Variants in SLC38A6 observed in about 807,000 individuals in gnomAD.
SLC38A6 encodes the protein N system amino acid transporter NAT-1.
Under a neutral mutation model 65.0 loss-of-function variants are expected in SLC38A6, and 73 were observed. The ratio of observed to expected loss-of-function variants is 1.12; its 90% CI spans 0.93 to 1.37. The LOEUF is 1.37. Among genes scored for constraint, SLC38A6 ranks in the 40% most tolerant of loss-of-function variants. SLC38A6 has a pLI of 0.00. For missense variants in SLC38A6, 561 were observed against 531.1 expected, an observed-to-expected ratio of 1.06 and a Z score of -0.55; for synonymous variants, 183 against 178.8, an observed-to-expected ratio of 1.02 and a Z score of -0.19.
chr14:61,062,385 GTTGT>G (rs1327352043), intron 15 of SLC38A6, among the ~76,000 whole-genome samples: 1 of 151,942 alleles, frequency 6.6e-6, no homozygotes, highest in Non-Finnish European at 1.5e-5. Flanking sequence ...GTGGTATCTC[GTTGT>G]TTTAGTTTGC....
chr14:61,082,545 G>A (rs1165475745), intron 16 of SLC38A6, among the ~76,000 whole-genome samples: 1 of 152,186 alleles, frequency 6.6e-6, no homozygotes, highest in Non-Finnish European at 1.5e-5. Context: ...CCCCTTCAGT[G>A]TGCTTCTGCA....
At chr14:61,028,236 A>C (rs2040720937) in intron 5 of SLC38A6, among the ~76,000 whole-genome samples, 1 of 152,160 alleles carries the variant, frequency 6.6e-6, no homozygotes, top group African/African-American at 2.4e-5. Context: ...ACTGAAAGAG[A>C]TGAATGTCTG....
intron 3 of SLC38A6, among the ~76,000 whole-genome samples, chr14:61,000,679 C>T (rs1391550324): frequency 6.6e-6 from 1 of 152,118 alleles, no homozygotes; most frequent in Non-Finnish European, 1.5e-5. Context: ...ATACAGTGTT[C>T]AATATCTACA....
intron 5 of SLC38A6, among the ~76,000 whole-genome samples, chr14:61,026,143 G>A (rs534265727): frequency 6.4e-4 from 98 of 152,114 alleles, no homozygotes; most frequent in African/African-American, 2.4e-3. Flanking sequence ...AATTAGGGTT[G>A]GTTTGTTTTT....
chr14:60,981,424 G>T, intron 1 of SLC38A6, 42 bp downstream of exon 1: 1 of 1,553,900 alleles, frequency 6.4e-7, no homozygotes. Flanking sequence ...ACGCCCTCCG[G>T]CTTCCCTCAA....
At chr14:61,067,356 A>T (rs1396157911) in intron 15 of SLC38A6, among the ~76,000 whole-genome samples, 1 of 152,110 alleles carries the variant, frequency 6.6e-6, no homozygotes, top group African/African-American at 2.4e-5. Context: ...CTGTCCCTCA[A>T]ATCACATAAC....
At position 60,993,847 on chromosome 14, in the gene SLC38A6, A is replaced by G. The variant is rs574810260; in HGVS notation, c.310+9044A>G. 1.1e-4 allele frequency among the ~76,000 whole-genome samples: 16 copies of G among 152,360 alleles called. No individual in the cohort carries two copies. The East Asian group carries it at 2.9e-3, about 28-fold the overall frequency. On this transcript the variant is annotated intron_variant, in intron 3 of 15. Transcript: ENST00000267488. ...ACCTTTAATGTGAAAGATATATACTAAAACAGCCACATACACACACACAAG... is the reference window on the plus strand; with the variant it reads ...ACCTTTAATGTGAAAGATATATACTGAAACAGCCACATACACACACACAAG...
intron 5 of SLC38A6, among the ~76,000 whole-genome samples, chr14:61,024,069 G>A (rs1266155577): frequency 6.6e-6 from 1 of 152,134 alleles, no homozygotes; most frequent in East Asian, 1.9e-4. Flanking sequence ...ATGTAAGTGA[G>A]CATATAGTTT....
At chr14:61,062,353 T>C (rs886265850) in intron 15 of SLC38A6, among the ~76,000 whole-genome samples, 1 of 152,228 alleles carries the variant, frequency 6.6e-6, no homozygotes, top group Non-Finnish European at 1.5e-5. Flanking sequence ...TTTTAGATTT[T>C]CACCATTCTA....
chr14:61,054,011 T>G (rs2042619427), downstream of SLC38A6, among the ~76,000 whole-genome samples: 1 of 152,146 alleles, frequency 6.6e-6, no homozygotes, highest in Non-Finnish European at 1.5e-5. Flanking sequence ...TTTTGGGTTT[T>G]ACATTTAAGT....
chr14:61,069,402 A>G (rs1163500978), intron 15 of SLC38A6, among the ~76,000 whole-genome samples: 1 of 152,008 alleles, frequency 6.6e-6, no homozygotes, highest in South Asian at 2.1e-4. Context: ...CATTAATCCC[A>G]GATTCCCTTG....
At chr14:60,998,570 G>A (rs1004124724) in intron 3 of SLC38A6, among the ~76,000 whole-genome samples, 6 of 152,096 alleles carry the variant, frequency 3.9e-5, no homozygotes, top group Admixed American at 1.3e-4. Flanking sequence ...CTTCAAATCC[G>A]TCTGTGACCT....
At chr14:61,061,180 C>T (rs2042827143) in intron 15 of SLC38A6, among the ~76,000 whole-genome samples, 1 of 152,238 alleles carries the variant, frequency 6.6e-6, no homozygotes, top group Non-Finnish European at 1.5e-5. Flanking sequence ...GCCTTTTCTG[C>T]ACCTATTGAG....
chr14:61,029,064 CTTTTGTAAG>C (rs2040779774), intron 5 of SLC38A6, among the ~76,000 whole-genome samples: 1 of 151,206 alleles, frequency 6.6e-6, no homozygotes, highest in Non-Finnish European at 1.5e-5. Context: ...TTGTTCTTAG[CTTTTGTAAG>C]TTTTGTAAGG....
intron 6 of SLC38A6, among the ~76,000 whole-genome samples, chr14:61,033,362 C>T (rs916948073): frequency 2.6e-5 from 4 of 151,992 alleles, no homozygotes; most frequent in Non-Finnish European, 5.9e-5. Context: ...ATACTTGGAA[C>T]ATTTTTATCA....
chr14:61,012,969 A>G (rs997896326), intron 3 of SLC38A6, among the ~76,000 whole-genome samples: 1 of 152,106 alleles, frequency 6.6e-6, no homozygotes, highest in Non-Finnish European at 1.5e-5. Context: ...GATCTGTCTA[A>G]TGTTAACAGT....
At chr14:61,036,084 A>G (rs1426503039) in intron 6 of SLC38A6, among the ~76,000 whole-genome samples, 4 of 152,136 alleles carry the variant, frequency 2.6e-5, no homozygotes, top group African/African-American at 4.8e-5. Context: ...ATAGAAAACT[A>G]TAAAGAAGAA....
intron 13 of SLC38A6, among the ~76,000 whole-genome samples, 184 bp downstream of exon 13, chr14:61,050,820 G>A (rs996544684): frequency 6.6e-6 from 1 of 152,082 alleles, no homozygotes; most frequent in Non-Finnish European, 1.5e-5. Flanking sequence ...ATAACAGTGA[G>A]CCACTAAGCT....
chr14:61,013,021 G>A (rs1283870082), intron 3 of SLC38A6, among the ~76,000 whole-genome samples: 1 of 152,176 alleles, frequency 6.6e-6, no homozygotes, highest in Non-Finnish European at 1.5e-5. Flanking sequence ...GGGAGTCTAA[G>A]TCTCTTTGTA....
Sources: allele counts gnomAD v4.1 joint callset (sites outside exome capture counted in the v4.1 genomes callset), GRCh38; gene constraint gnomAD v4.1.1; transcripts MANE v1.5; gene names NCBI Gene and HGNC (gene_info 2026-07-23, HGNC 2026-07-21).